The following CSMD2 variants were observed in gnomAD, a reference collection of about 807,000 sequenced individuals.
The protein encoded by CSMD2 is CUB and sushi domain-containing protein 2.
In CSMD2, 130 loss-of-function variants were observed where a neutral mutation model predicts 398.5. The observed-to-expected ratio is 0.33, with a 90% CI of 0.28 to 0.38. CSMD2 has a LOEUF of 0.38. Ranked by LOEUF, CSMD2 falls within the 10% of genes least tolerant of loss-of-function variation. The pLI is 1.00. For missense variants in CSMD2, 3,829 were observed against 4,764.9 expected (o/e 0.80, Z 5.78); for synonymous variants, 1,828 against 1,908.5 (o/e 0.96, Z 1.10).
At chr1:34,128,646 T>C (rs1238117503) in intron 1 of CSMD2, among the ~76,000 whole-genome samples, 1 of 152,126 alleles carries the variant, frequency 6.6e-6, no homozygotes, top group African/African-American at 2.4e-5. Context: ...CTGTCGGCCT[T>C]GTTGAGCCCT....
At chr1:33,583,867 G>A (rs757627423) in intron 46 of CSMD2, 37 bp from the exon 47 acceptor site, 2 of 1,581,172 alleles carry the variant, frequency 1.3e-6, no homozygotes, top group Non-Finnish European at 8.7e-7. Flanking sequence ...GTACGTGGGG[G>A]TGGAGATGGA....
intron 2 of CSMD2, among the ~76,000 whole-genome samples, chr1:34,051,562 A>G (rs1420904050): frequency 6.6e-6 from 1 of 152,188 alleles, no homozygotes; most frequent in Non-Finnish European, 1.5e-5. Flanking sequence ...ATAGCATAAG[A>G]TATAATAACT....
chr1:34,162,679 T>C (rs1641459887), intron 1 of CSMD2, among the ~76,000 whole-genome samples: 1 of 151,866 alleles, frequency 6.6e-6, no homozygotes, highest in South Asian at 2.1e-4. Context: ...GCCAACATGG[T>C]GAAACCCCAT....
At chr1:33,819,585 G>A in intron 9 of CSMD2, 128 bp downstream of exon 9, 1 of 750,106 alleles carries the variant, frequency 1.3e-6, no homozygotes, top group Non-Finnish European at 2.2e-6. Context: ...GTAAATAAGT[G>A]CAGGGAGTGA....
At chr1:33,542,262 G>A (rs913459434) in intron 58 of CSMD2, among the ~76,000 whole-genome samples, 1 of 152,202 alleles carries the variant, frequency 6.6e-6, no homozygotes, top group Non-Finnish European at 1.5e-5. Flanking sequence ...ACCCGTACTG[G>A]GTGGGGTCGG....
chr1:34,038,986 A>G (rs1375424667), intron 2 of CSMD2, among the ~76,000 whole-genome samples: 1 of 152,142 alleles, frequency 6.6e-6, no homozygotes, highest in South Asian at 2.1e-4. Flanking sequence ...CATTTAGAAC[A>G]CTTTCTAACC....
chr1:33,992,035 T>C (rs539010783), intron 3 of CSMD2, among the ~76,000 whole-genome samples: 13 of 152,272 alleles, frequency 8.5e-5, no homozygotes, highest in South Asian at 2.1e-4. Context: ...GATAGCATTA[T>C]TTGACAATCA....
At position 33,693,020 on chromosome 1, in the gene CSMD2, C is replaced by T; in HGVS notation, c.3962G>A (p.Gly1321Glu). 1 of 1,603,600 alleles carries T rather than the reference C, an allele frequency of 6.2e-7. No homozygotes were observed. The highest frequency in any genetic ancestry group is 8.5e-7 in the Non-Finnish European group (1 of 1,175,552). ...CGGTVRGEVS[G>E]QVLSPGYPAP... Reference sequence around the variant, plus strand: ...TGGATACCCGGGTGACAGCACCTGCCCCGACACCTCTCCTCTCACTGTCCC... The same window carrying T: ...TGGATACCCGGGTGACAGCACCTGCTCCGACACCTCTCCTCTCACTGTCCC... Residue 1321 changes from glycine to glutamate, a missense_variant, in exon 25 of 71, where the codon GGG (glycine) becomes GAG (glutamate). By Grantham distance (98) the Gly-to-Glu change is moderately conservative. Transcript: ENST00000373381.
chr1:34,049,407 C>T (rs1198584083), intron 2 of CSMD2, among the ~76,000 whole-genome samples: 1 of 152,162 alleles, frequency 6.6e-6, no homozygotes, highest in Non-Finnish European at 1.5e-5. Context: ...TTCAGGAGCA[C>T]CATTCATATT....
chr1:33,876,630 C>A (rs910017646), intron 5 of CSMD2, among the ~76,000 whole-genome samples: 3 of 152,100 alleles, frequency 2.0e-5, no homozygotes, highest in Non-Finnish European at 4.4e-5. Context: ...AGAGGTTAGG[C>A]GACTTGCTTG....
Position 33,568,189 on chromosome 1 carries a change from C to CTTTT in CSMD2, c.8132-352_8132-349dup, listed in dbSNP as rs370507143. ...CCCAAAAACTCAAACTCAGGAGCAT[C>CTTTT]TTTTTTTTTTTTTTTTGAGACAAGA... is the stretch of plus-strand genomic sequence containing the variant. On this transcript the variant is annotated intron_variant, in intron 52 of 70. Coordinates refer to ENST00000373381, the MANE Select transcript of CSMD2 (RefSeq NM_001281956.2). Among the ~76,000 whole-genome samples the CTTTT allele has an allele frequency of 3.6e-3, 510 of 141,328 alleles. 12 individuals are homozygous for CTTTT. Among genetic ancestry groups the CTTTT allele is most frequent in the South Asian group, 6.8e-3 (30 of 4,438 alleles). The allele number at this position is 141,328 out of a possible 152,430, so 92.7% of individuals were successfully genotyped here. A position where few individuals can be genotyped will look rare whatever the true frequency, so the allele number is the denominator to read the frequency against.
At position 33,533,289 on chromosome 1, in the gene CSMD2, C is replaced by T. The variant is rs916860020; in HGVS notation, c.9992-60G>A. ...AGATTAGGGGCTTCAGGGGCCCTTT[C>T]GACCATTCCCCTGTTCCTAGATAGA... On this transcript the variant is annotated intron_variant, in intron 63 of 70. Coordinates refer to ENST00000373381, the MANE Select transcript of CSMD2 (RefSeq NM_001281956.2). The surrounding 1 kb of genome is among the most constrained non-coding windows in gnomAD (Gnocchi z 4.2). 8.8e-5 allele frequency: 128 copies of T among 1,448,116 alleles called. No individual in the cohort carries two copies. Among genetic ancestry groups the T allele is most frequent in the East Asian group, 6.0e-4 (26 of 43,274 alleles). The allele number at this position is 1,448,116 out of a possible 1,614,324, so 89.7% of individuals were successfully genotyped here.
intron 13 of CSMD2, among the ~76,000 whole-genome samples, chr1:33,756,253 C>T (rs887596168): frequency 1.2e-4 from 19 of 152,158 alleles, no homozygotes; most frequent in African/African-American, 3.6e-4. Context: ...TTCTTCTGAA[C>T]GCCAGACCTG....
At chr1:33,652,663 C>T (rs942292180) in intron 27 of CSMD2, among the ~76,000 whole-genome samples, 6 of 152,132 alleles carry the variant, frequency 3.9e-5, no homozygotes, top group South Asian at 2.1e-4. Context: ...GTGGTGGTTG[C>T]GCAACATTTC....
chr1:34,060,592 T>C (rs933522694), intron 2 of CSMD2, among the ~76,000 whole-genome samples: 1 of 151,294 alleles, frequency 6.6e-6, no homozygotes, highest in Non-Finnish European at 1.5e-5. Flanking sequence ...AGAGCCAGGA[T>C]TGCTCAGCTC....
At chr1:33,920,546 A>G (rs1643902736) in intron 4 of CSMD2, among the ~76,000 whole-genome samples, 2 of 128,786 alleles carry the variant, frequency 1.6e-5, no homozygotes, top group African/African-American at 4.4e-5. Flanking sequence ...CTGTCTCAAA[A>G]AAAAAAAAAA....
intron 41 of CSMD2, among the ~76,000 whole-genome samples, chr1:33,607,778 G>A (rs1640719971): frequency 6.6e-6 from 1 of 152,212 alleles, no homozygotes; most frequent in Non-Finnish European, 1.5e-5. Context: ...CTGTGCCTGG[G>A]ACTGAAGGGG....
chr1:33,961,609 G>A (rs886295638), intron 3 of CSMD2, among the ~76,000 whole-genome samples: 10 of 152,216 alleles, frequency 6.6e-5, no homozygotes, highest in African/African-American at 2.2e-4. Flanking sequence ...TTGAATGCGA[G>A]CCTAGTGAGA....
At chr1:34,103,314 T>C (rs12402324) in intron 1 of CSMD2, among the ~76,000 whole-genome samples, 27,971 of 111,984 alleles carry the variant, frequency 0.25, 4,269 homozygotes, top group East Asian at 0.47. Context: ...TTTTTTTCTT[T>C]CTGAGCCAGA....
Sources: gnomAD v4.1 joint callset for allele counts (sites outside exome capture counted in the v4.1 genomes callset) on GRCh38, gnomAD v4.1.1 for gene constraint, Gnocchi (gnomAD v3.1) non-coding constraint, MANE v1.5 for transcripts, NCBI Gene and HGNC (gene_info 2026-07-23, HGNC 2026-07-21) for gene names.